The following SPOCK3 variants were observed in gnomAD, a reference collection of about 807,000 sequenced individuals.
The protein encoded by SPOCK3 is SPARC (osteonectin), cwcv and kazal like domains proteoglycan 3, also known as testican-3.
SPOCK3 carries 30 observed loss-of-function variants against 56.6 expected under a neutral mutation model. The ratio of observed to expected loss-of-function variants is 0.53; its 90% CI spans 0.40 to 0.72. The LOEUF (loss-of-function observed/expected upper bound fraction) is 0.72, where lower values mean the gene tolerates loss of function less well. Among genes scored for constraint, SPOCK3 ranks in the 30% least tolerant of loss-of-function variants. SPOCK3 has a pLI of 0.00. For missense variants in SPOCK3, 527 were observed against 530.0 expected (o/e 0.99, Z 0.06); for synonymous variants, 196 against 183.3 (o/e 1.07, Z -0.56).
rs1765652700 is a variant in SPOCK3, at chr4:167,165,207, A to G, written c.189+68778T>C. ...AATTGCAACAAAAGCCAAAATTGACAAATGGGATCTAATTAAACTAAAGAG... is the reference window on the plus strand; with the variant it reads ...AATTGCAACAAAAGCCAAAATTGACGAATGGGATCTAATTAAACTAAAGAG... On this transcript the variant is annotated intron_variant, in intron 2 of 10. Coordinates refer to ENST00000357545, the MANE Select transcript of SPOCK3 (RefSeq NM_001040159.2). 2.0e-5 allele frequency among the ~76,000 whole-genome samples: 3 copies of G among 152,194 alleles called. No individual in the cohort carries two copies. The South Asian group carries it at 6.2e-4, about 31-fold the overall frequency.
chr4:167,054,199 G>A (rs1228951761), intron 3 of SPOCK3, among the ~76,000 whole-genome samples: 22 of 152,132 alleles, frequency 1.4e-4, no homozygotes, highest in Admixed American at 1.4e-3. Flanking sequence ...GATTCTCTGA[G>A]CAACTGTCAA....
intron 4 of SPOCK3, among the ~76,000 whole-genome samples, chr4:166,931,877 C>T (rs1031307020): frequency 8.5e-5 from 13 of 152,190 alleles, no homozygotes; most frequent in Non-Finnish European, 1.9e-4. Flanking sequence ...TGTGCCCTCT[C>T]CATTACTATT....
At chr4:166,957,113 G>A (rs1438203098) in intron 4 of SPOCK3, among the ~76,000 whole-genome samples, 4 of 152,136 alleles carry the variant, frequency 2.6e-5, no homozygotes, top group African/African-American at 9.7e-5. Flanking sequence ...AAGTTAGCTA[G>A]GCAAGGTGGC....
chr4:166,888,570 G>A (rs1049317538), intron 6 of SPOCK3, among the ~76,000 whole-genome samples: 4 of 151,892 alleles, frequency 2.6e-5, no homozygotes, highest in African/African-American at 9.7e-5. Flanking sequence ...TACATATCTA[G>A]TTGAATGCAT....
intron 2 of SPOCK3, among the ~76,000 whole-genome samples, chr4:167,202,793 C>T (rs1350098660): frequency 6.6e-6 from 1 of 150,458 alleles, no homozygotes; most frequent in Non-Finnish European, 1.5e-5. Flanking sequence ...TTTTTTTCCC[C>T]TATTCATGCA....
Position 167,146,935 on chromosome 4 carries a change from G to A in SPOCK3, c.190-84398C>T, listed in dbSNP as rs1764012219. On this transcript the variant is annotated intron_variant, in intron 2 of 10. Transcript: ENST00000357545. ...CAAGAGCAAGCAAATTTAAAAGCTA[G>A]CAGAAGACAAGAAATAACTAAGATC... Among the ~76,000 whole-genome samples, 3 of 152,118 alleles carry A rather than the reference G, an allele frequency of 2.0e-5. No individual in the cohort carries two copies. The South Asian group carries it at 6.2e-4, about 32-fold the overall frequency.
At chr4:166,971,522 A>T (rs957519414) in intron 4 of SPOCK3, among the ~76,000 whole-genome samples, 4 of 151,914 alleles carry the variant, frequency 2.6e-5, no homozygotes, top group Admixed American at 6.6e-5. Flanking sequence ...ACAAGAAGAG[A>T]AAGTATTTTT....
chr4:166,941,283 C>T (rs1354546244), intron 4 of SPOCK3, among the ~76,000 whole-genome samples: 1 of 152,088 alleles, frequency 6.6e-6, no homozygotes, highest in African/African-American at 2.4e-5. Context: ...AAAAATGGAT[C>T]CTTTTCCGTC....
At chr4:166,826,198 A>AT (rs1745459154) in intron 6 of SPOCK3, among the ~76,000 whole-genome samples, 1 of 151,984 alleles carries the variant, frequency 6.6e-6, no homozygotes, top group East Asian at 1.9e-4. Context: ...AAAAAGATAT[A>AT]TTTTTCTATA....
intron 4 of SPOCK3, among the ~76,000 whole-genome samples, chr4:166,936,054 G>A (rs1740365569): frequency 6.6e-6 from 1 of 152,060 alleles, no homozygotes; most frequent in South Asian, 2.1e-4. Flanking sequence ...GAGGGGTATT[G>A]AAATTTAATA....
chr4:167,184,481 A>G (rs1213514069), intron 2 of SPOCK3, among the ~76,000 whole-genome samples: 2 of 152,172 alleles, frequency 1.3e-5, no homozygotes, highest in Non-Finnish European at 2.9e-5. Context: ...ACACTGAGCC[A>G]GGTACCACTG....
intron 2 of SPOCK3, among the ~76,000 whole-genome samples, chr4:167,160,138 A>G (rs895010567): frequency 2.0e-5 from 3 of 152,102 alleles, no homozygotes; most frequent in African/African-American, 7.2e-5. Flanking sequence ...ATATTTAGAA[A>G]ACCCCATTGT....
chr4:166,874,764 C>T (rs1285869884), intron 6 of SPOCK3, among the ~76,000 whole-genome samples: 1 of 152,014 alleles, frequency 6.6e-6, no homozygotes, highest in Non-Finnish European at 1.5e-5. Context: ...TGGTACATGA[C>T]GTATATGCAA....
At chr4:166,749,030 C>G (rs1402681499) in intron 8 of SPOCK3, among the ~76,000 whole-genome samples, 1 of 137,392 alleles carries the variant, frequency 7.3e-6, no homozygotes, top group Admixed American at 7.0e-5. Flanking sequence ...TACTTTTACA[C>G]TGTTGGTGGG....
chr4:167,056,821 A>T (rs895597194), intron 3 of SPOCK3, among the ~76,000 whole-genome samples: 15 of 152,168 alleles, frequency 9.9e-5, no homozygotes, highest in African/African-American at 3.1e-4. Context: ...TGCTGTACCT[A>T]AAAGTGACGG....
At chr4:167,036,364 TCCTTGA>T (rs1752754781) in intron 3 of SPOCK3, among the ~76,000 whole-genome samples, 2 of 152,246 alleles carry the variant, frequency 1.3e-5, no homozygotes, top group African/African-American at 2.4e-5. Flanking sequence ...GTTCTTTTTT[TCCTTGA>T]CCTTATTTCT....
chr4:166,988,266 A>T (rs1289915176), intron 4 of SPOCK3, among the ~76,000 whole-genome samples: 3 of 152,098 alleles, frequency 2.0e-5, no homozygotes, highest in Non-Finnish European at 4.4e-5. Context: ...GTGTTTCATG[A>T]GTATTAATTA....
chr4:166,818,993 T>A (rs1359169614), intron 6 of SPOCK3, among the ~76,000 whole-genome samples: 1 of 152,070 alleles, frequency 6.6e-6, no homozygotes, highest in Non-Finnish European at 1.5e-5. Context: ...AAATTACCAC[T>A]GATTTTTAGC....
intron 4 of SPOCK3, among the ~76,000 whole-genome samples, chr4:166,960,040 A>T (rs1743974226): frequency 6.6e-6 from 1 of 152,160 alleles, no homozygotes; most frequent in Non-Finnish European, 1.5e-5. Context: ...GTATAAACCT[A>T]ATAACTCCCA....
Sources: gnomAD v4.1 joint callset for allele counts (sites outside exome capture counted in the v4.1 genomes callset) on GRCh38, gnomAD v4.1.1 for gene constraint, MANE v1.5 for transcripts, NCBI Gene and HGNC (gene_info 2026-07-23, HGNC 2026-07-21) for gene names.